Variants in ARHGAP12 observed in about 807,000 individuals in gnomAD.
The protein encoded by ARHGAP12 is rho GTPase-activating protein 12.
Under a neutral mutation model 108.6 loss-of-function variants are expected in ARHGAP12, and 64 were observed. The ratio of observed to expected loss-of-function variants is 0.59; its 90% CI spans 0.48 to 0.73. ARHGAP12 has a LOEUF of 0.73. ARHGAP12 is among the 30% of genes least tolerant of loss of function. The pLI is 0.00. For missense variants in ARHGAP12, 940 were observed against 1,005.9 expected (o/e 0.93, Z 0.89); for synonymous variants, 312 against 337.2 (o/e 0.93, Z 0.82).
intron 3 of ARHGAP12, among the ~76,000 whole-genome samples, chr10:31,895,748 C>T (rs2132417295): frequency 6.6e-6 from 1 of 152,216 alleles, no homozygotes; most frequent in Admixed American, 6.5e-5. Flanking sequence ...GGTATATACC[C>T]CAAGAATTAT....
In ARHGAP12 at chr10:31,817,870, C is replaced by T; in HGVS notation, c.1649G>A (p.Gly550Glu). 1 of 1,611,160 alleles carries T rather than the reference C, an allele frequency of 6.2e-7. No homozygotes were observed. Residue 550 changes from glycine (G) to glutamate (E), a missense_variant, in exon 13 of 20, where the codon GGA becomes GAA. Gly to Glu is a moderately conservative substitution (Grantham distance 98). Transcript: ENST00000344936. ...GTCAGACTGAATTAGCAGTTCTGTT[C>T]CTTGACGAGTTTTCAGCTTTAGAGA... ...KNVFELKTRQ[G>E]TELLIQSDND... is the part of the protein sequence containing the mutation.
intron 3 of ARHGAP12, among the ~76,000 whole-genome samples, chr10:31,876,544 AC>A (rs1164918215): frequency 2.6e-5 from 3 of 117,628 alleles, no homozygotes; most frequent in Non-Finnish European, 5.3e-5. Flanking sequence ...ACAAAAAACC[AC>A]CAAAAAAAAA....
intron 3 of ARHGAP12, among the ~76,000 whole-genome samples, chr10:31,897,801 C>T (rs1170180401): frequency 1.3e-5 from 2 of 152,140 alleles, no homozygotes; most frequent in African/African-American, 2.4e-5. Flanking sequence ...AGCTGTGGCA[C>T]AGATGGAACT....
chr10:31,830,864 C>G (rs1279303051), intron 10 of ARHGAP12, among the ~76,000 whole-genome samples: 1 of 152,190 alleles, frequency 6.6e-6, no homozygotes. Flanking sequence ...TCTCTTCTCT[C>G]TCCTGGCAAA....
Position 31,917,130 on chromosome 10 carries a change from C to T in ARHGAP12, c.-110-6567G>A, listed in dbSNP as rs557375144. Among the ~76,000 whole-genome samples the T allele has an allele frequency of 7.9e-5, 12 of 151,808 alleles. No homozygotes were observed. The East Asian group carries it at 1.2e-3, about 15-fold the overall frequency. The stretch of plus-strand genomic sequence containing the variant: ...TTGTTTAAAATTAATAATCCCAGGC[C>T]GGGCGCGATGGCTCACACCTGTTAA... On this transcript the variant is annotated intron_variant, in intron 1 of 19. Transcript: ENST00000344936.
chr10:31,852,373 C>T, intron 6 of ARHGAP12, 144 bp downstream of exon 6: 1 of 684,412 alleles, frequency 1.5e-6, no homozygotes. Context: ...TTACACTACT[C>T]ACAGTATTCA....
At chr10:31,853,872 T>A (rs1460274222) in intron 5 of ARHGAP12, among the ~76,000 whole-genome samples, 194 bp downstream of exon 5, 1 of 152,206 alleles carries the variant, frequency 6.6e-6, no homozygotes, top group Admixed American at 6.5e-5. Context: ...GCATAAAAAT[T>A]ACTATCATCC....
chr10:31,852,147 TTTTC>T (rs1403804298), intron 6 of ARHGAP12, among the ~76,000 whole-genome samples: 1 of 152,142 alleles, frequency 6.6e-6, no homozygotes, highest in Non-Finnish European at 1.5e-5. Context: ...ACTGAGTTAC[TTTTC>T]TTTCTCTCAA....
chr10:31,886,288 T>A (rs1838186437), intron 3 of ARHGAP12, among the ~76,000 whole-genome samples: 1 of 152,152 alleles, frequency 6.6e-6, no homozygotes, highest in Non-Finnish European at 1.5e-5. Context: ...TTTTAATGAC[T>A]CTATCAGGAT....
intron 4 of ARHGAP12, among the ~76,000 whole-genome samples, chr10:31,855,216 G>C (rs1192389674): frequency 2.0e-5 from 3 of 151,608 alleles, no homozygotes; most frequent in African/African-American, 4.9e-5. Context: ...TGAGGGAAGC[G>C]AATTAGAAGA....
intron 3 of ARHGAP12, among the ~76,000 whole-genome samples, chr10:31,884,004 T>C (rs1838092756): frequency 6.6e-6 from 1 of 150,710 alleles, no homozygotes; most frequent in Admixed American, 6.6e-5. Context: ...CATGAGCCAC[T>C]ACGCCTGGCC....
Position 31,908,971 on chromosome 10 carries a change from G to A in ARHGAP12, c.-71-45C>T. 4.9e-6 allele frequency: 5 copies of A among 1,013,206 alleles called. No individual in the cohort carries two copies. The South Asian group carries it at 8.2e-5, about 17-fold the overall frequency. 62.8% of individuals were successfully genotyped at this position (1,013,206 alleles called of 1,614,324 possible). On this transcript the variant is annotated intron_variant, in intron 2 of 19. Transcript: ENST00000344936. Reference sequence around the variant, plus strand: ...AAAGAGAATGAAGAAAAAAGTTAATGCAATCTGGATTTCGTATTTACTCAC... The same window carrying A: ...AAAGAGAATGAAGAAAAAAGTTAATACAATCTGGATTTCGTATTTACTCAC...
At chr10:31,914,128 A>G (rs1460153571) in intron 1 of ARHGAP12, among the ~76,000 whole-genome samples, 3 of 152,258 alleles carry the variant, frequency 2.0e-5, no homozygotes, top group Non-Finnish European at 4.4e-5. Flanking sequence ...GTTGTTTGTT[A>G]AAATTCTGAA....
At chr10:31,871,153 A>C (rs1244615719) in intron 3 of ARHGAP12, among the ~76,000 whole-genome samples, 1 of 152,240 alleles carries the variant, frequency 6.6e-6, no homozygotes, top group Non-Finnish European at 1.5e-5. Flanking sequence ...AAAGGAAAAT[A>C]GGCGCAAGTC....
At chr10:31,859,672 A>AAATTCTTTTAGTCTAT (rs1397104314) in intron 4 of ARHGAP12, among the ~76,000 whole-genome samples, 1 of 152,230 alleles carries the variant, frequency 6.6e-6, no homozygotes, top group African/African-American at 2.4e-5. Flanking sequence ...TGTATACTTC[A>AAATTCTTTTAGTCTAT]AATTCTTTTA....
Position 31,923,132 on chromosome 10 carries a change from G to GAA in ARHGAP12, c.-111+5549_-111+5550dup, listed in dbSNP as rs58930834. 9.3e-4 allele frequency among the ~76,000 whole-genome samples: 77 copies of GAA among 83,210 alleles called. 2 individuals carry two copies. Among genetic ancestry groups the GAA allele is most frequent in the Admixed American group, 3.4e-3 (23 of 6,708 alleles). 54.6% of individuals were successfully genotyped at this position (83,210 alleles called of 152,430 possible). ...GGGTGACAGAGCAAGACCCTAACAGGAAAAAAAAAAAAAAAAAAAACAGGC... is the reference window on the plus strand; with the variant it reads ...GGGTGACAGAGCAAGACCCTAACAGGAAAAAAAAAAAAAAAAAAAAAACAGGC... On this transcript the variant is annotated intron_variant, in intron 1 of 19. Transcript: ENST00000344936.
chr10:31,839,182 G>A (rs1360479412), intron 9 of ARHGAP12, 123 bp downstream of exon 9: 2 of 1,018,202 alleles, frequency 2.0e-6, no homozygotes, highest in East Asian at 5.1e-5. Context: ...TTCCAGTTTA[G>A]GAGAACTTAC....
chr10:31,912,076 G>A (rs1458624320), intron 1 of ARHGAP12, among the ~76,000 whole-genome samples: 4 of 152,234 alleles, frequency 2.6e-5, no homozygotes, highest in Non-Finnish European at 5.9e-5. Context: ...CCTTTCAGAC[G>A]CTCAGTCGTT....
intron 7 of ARHGAP12, among the ~76,000 whole-genome samples, chr10:31,841,365 T>C (rs1158913406): frequency 6.6e-6 from 1 of 152,196 alleles, no homozygotes; most frequent in Non-Finnish European, 1.5e-5. Flanking sequence ...CAATAATAGA[T>C]GGTCCTTGAC....
Sources: gnomAD v4.1 joint callset for allele counts (sites outside exome capture counted in the v4.1 genomes callset) on GRCh38, gnomAD v4.1.1 for gene constraint, MANE v1.5 for transcripts, NCBI Gene and HGNC (gene_info 2026-07-23, HGNC 2026-07-21) for gene names.